The following CUL7 variants were observed in gnomAD, a reference collection of about 807,000 sequenced individuals.
CUL7 encodes cullin 7.
CUL7 carries 96 observed loss-of-function variants against 177.7 expected under a neutral mutation model. That is an observed-to-expected ratio of 0.54 (90% CI 0.46 to 0.64). The LOEUF (loss-of-function observed/expected upper bound fraction) is 0.64. CUL7 is among the 30% of genes least tolerant of loss of function. CUL7 has a pLI of 0.00. For synonymous variants in CUL7, 824 were observed against 890.2 expected, an observed-to-expected ratio of 0.93 and a Z score of 1.32; for missense variants, 1,893 against 2,187.9, an observed-to-expected ratio of 0.87 and a Z score of 2.69.
intron 19 of CUL7, 103 bp downstream of exon 19, chr6:43,042,699 G>A (rs1197973682): frequency 3.8e-6 from 3 of 779,666 alleles, no homozygotes; most frequent in African/African-American, 1.7e-5. Flanking sequence ...ACTAACATAT[G>A]TTCATCATAG....
chr6:43,048,511 A>G lies in CUL7; in HGVS notation c.1884T>C (p.Tyr628=), dbSNP rs771240776. 2 of 1,614,152 alleles carry G rather than the reference A, an allele frequency of 1.2e-6. No individual in the cohort carries two copies. Among genetic ancestry groups the G allele is most frequent in the Admixed American group, 1.7e-5 (1 of 60,014 alleles). ...NTPLQRLVEG[Y]GPAGKILLDL... is the part of the protein sequence containing the mutation. Reference sequence around the variant, plus strand: ...CCAGGAGGATTTTCCCAGCTGGACCATAACCCTCCACCAGACGCTGCAGGG... The same window carrying G: ...CCAGGAGGATTTTCCCAGCTGGACCGTAACCCTCCACCAGACGCTGCAGGG... The change falls in exon 8 of 26, where the codon TAT becomes TAC. Residue 628 remains tyrosine, a synonymous_variant. Transcript: ENST00000265348.
In CUL7 at chr6:43,043,000, A is replaced by G. The variant is rs1303324668; in HGVS notation, c.3463-16T>C. The G allele has an allele frequency of 6.2e-7, 1 of 1,614,152 alleles. No individual in the cohort carries two copies. Among genetic ancestry groups the G allele is most frequent in the African/African-American group, 1.3e-5 (1 of 75,058 alleles). On this transcript the variant is annotated splice_polypyrimidine_tract_variant and intron_variant, in intron 18 of 25. Transcript: ENST00000265348. The stretch of plus-strand genomic sequence containing the variant: ...AATTGTTCACCTGGAAGGAAGGGGC[A>G]GGAGCATGAAGACACAACCCAACAT...
chr6:43,037,878 C>T lies in CUL7; in HGVS notation c.4907G>A (p.Arg1636His), dbSNP rs377591715. 9.7e-5 allele frequency: 156 copies of T among 1,613,570 alleles called. No individual in the cohort carries two copies. The highest frequency in any genetic ancestry group is 1.2e-4 in the Non-Finnish European group (146 of 1,179,716). Residue 1636 changes from arginine to histidine, a missense_variant, in exon 26 of 26, where the codon CGC (arginine) becomes CAC (histidine). By Grantham distance (29) the Arg-to-His change is conservative. This residue lies in a region of CUL7 where 248 missense variants were observed against 262.5 expected (regional missense o/e 0.94). Coordinates refer to ENST00000265348, the MANE Select transcript of CUL7 (RefSeq NM_014780.5). The stretch of plus-strand genomic sequence containing the variant: ...CAGCACCTGGGGCCGGTCGTCATGG[C>T]GTCTCAGCGTGCCCTTGCCCAGGAG... The part of the protein sequence containing the change: ...LHLLGKGTLR[R>H]HDDRPQVLSY...
chr6:43,041,571 C>T (rs1442716539), intron 19 of CUL7, among the ~76,000 whole-genome samples: 2 of 151,714 alleles, frequency 1.3e-5, no homozygotes, highest in Non-Finnish European at 2.9e-5. Flanking sequence ...CCACTGCATC[C>T]CAGTGTGGGA....
rs1764444572 is a variant in CUL7 at position 43,051,923 on chromosome 6, A to T, written c.581-160T>A. 6.6e-6 allele frequency among the ~76,000 whole-genome samples: 1 copy of T among 152,148 alleles called. No individual in the cohort carries two copies. Among genetic ancestry groups the T allele is most frequent in the Admixed American group, 6.5e-5 (1 of 15,274 alleles). On this transcript the variant is annotated intron_variant, in intron 2 of 25. Coordinates refer to ENST00000265348, the MANE Select transcript of CUL7 (RefSeq NM_014780.5). This position sits in a 1 kb window ranked among gnomAD's most constrained non-coding sequence, Gnocchi z 5.0. ...TTTGCTAACTTATACACATACACAC[A>T]CACACGCACATAAACACGATCTACA...
chr6:43,040,333 C>T lies in CUL7; in HGVS notation c.4117G>A (p.Glu1373Lys), dbSNP rs1291854831. The change falls in exon 22 of 26, where the codon GAA (glutamate) becomes AAA (lysine). Residue 1373 changes from glutamate to lysine, a missense_variant. By Grantham distance (56) the Glu-to-Lys change is moderately conservative (BLOSUM62 1). Around this residue, in one of 5 missense-constraint regions of CUL7, gnomAD observed 973 missense variants for 1,140.9 expected, o/e 0.85. Coordinates refer to ENST00000265348, the MANE Select transcript of CUL7 (RefSeq NM_014780.5). This position sits in a 1 kb window ranked among gnomAD's most constrained non-coding sequence, Gnocchi z 4.2. ...AVVDVAEGEE[E>K]EEENEDLYYE... ...TAGAGGTCCTCATTCTCCTCCTCTT[C>T]CTCCTCTCCCTCCGCCACATCCACC... The T allele has an allele frequency of 6.2e-7, 1 of 1,613,842 alleles. No individual in the cohort carries two copies. The highest frequency in any genetic ancestry group is 1.1e-5 in the South Asian group (1 of 91,088).
Position 43,053,839 on chromosome 6 carries a change from A to G in CUL7, c.-226T>C. 1 of 1,532,934 alleles carries G rather than the reference A, an allele frequency of 6.5e-7. No individual in the cohort carries two copies. Among genetic ancestry groups the G allele is most frequent in the East Asian group, 2.5e-5 (1 of 40,806 alleles). The allele number at this position is 1,532,934 out of a possible 1,614,324, so 95.0% of individuals were successfully genotyped here. On this transcript the variant is annotated 5_prime_UTR_variant, in exon 1 of 26. Coordinates refer to ENST00000265348, the MANE Select transcript of CUL7 (RefSeq NM_014780.5). The surrounding 1 kb of genome is among the most constrained non-coding windows in gnomAD (Gnocchi z 4.1). ...CCCGGTCCCTGCCAGCGGCTCCGCCAGCCAAAAGCCACGGCTCATTTCCGC... is the reference window on the plus strand; with the variant it reads ...CCCGGTCCCTGCCAGCGGCTCCGCCGGCCAAAAGCCACGGCTCATTTCCGC...
At chr6:43,041,273 C>G in intron 19 of CUL7, 198 bp from the exon 20 acceptor site, 1 of 617,932 alleles carries the variant, frequency 1.6e-6, no homozygotes, top group East Asian at 2.8e-5. Flanking sequence ...AGTGTCTTTT[C>G]ACATTGTGTC....
At position 43,038,423 on chromosome 6, in the gene CUL7, G is replaced by A. The variant is rs377131673; in HGVS notation, c.4617C>T (p.Asp1539=). 23 of 1,614,062 alleles carry A rather than the reference G, an allele frequency of 1.4e-5. No individual in the cohort carries two copies. The highest frequency in any genetic ancestry group is 1.8e-5 in the Non-Finnish European group (21 of 1,180,052). ...TCTGAGGTGGGATGAGCCGCACAAT[G>A]TCCCATCTCGACCTGGGTTCCTTGC... ...DGSKEPRSRW[D]IVRLIPPQTY... The change falls in exon 25 of 26, where the codon GAC becomes GAT. Residue 1539 remains aspartate, a synonymous_variant. Transcript: ENST00000265348.
chr6:43,046,643 G>A (rs1581937632), intron 10 of CUL7, 42 bp from the exon 11 acceptor site: 1 of 1,612,438 alleles, frequency 6.2e-7, no homozygotes, highest in Non-Finnish European at 8.5e-7. Context: ...AGGGGCAGAA[G>A]GAACACGGAG....
At position 43,046,583 on chromosome 6, in the gene CUL7, C is replaced by T. The variant is rs200040003; in HGVS notation, c.2416G>A (p.Glu806Lys). Residue 806 changes from glutamate (E) to lysine (K), a missense_variant, in exon 11 of 26, where the codon GAA (glutamate) becomes AAA (lysine). Around this residue, in one of 5 missense-constraint regions of CUL7, gnomAD observed 973 missense variants for 1,140.9 expected, o/e 0.85. Coordinates refer to ENST00000265348, the MANE Select transcript of CUL7 (RefSeq NM_014780.5). ...GGTTGGTGGGTTCGTCTGTGGTCTT[C>T]GATCTGGCCCAGCACCATCTGCAGC... Reference protein sequence around the residue: ...GCIQMVLGQIEDHRRTHQPIN... With the variant: ...GCIQMVLGQIKDHRRTHQPIN... The T allele has an allele frequency of 4.2e-4, 670 of 1,613,970 alleles. 2 individuals carry two copies. Among genetic ancestry groups the T allele is most frequent in the Non-Finnish European group, 4.6e-4 (538 of 1,180,014 alleles).
chr6:43,037,879 G>A lies in CUL7; in HGVS notation c.4906C>T (p.Arg1636Cys), dbSNP rs769882465. 5.6e-6 allele frequency: 9 copies of A among 1,613,654 alleles called. No individual in the cohort carries two copies. The highest frequency in any genetic ancestry group is 1.6e-4 in the Middle Eastern group (1 of 6,084). ...AGCACCTGGGGCCGGTCGTCATGGC[G>A]TCTCAGCGTGCCCTTGCCCAGGAGG... Reference protein sequence around the residue: ...LHLLGKGTLRRHDDRPQVLSY... With the variant: ...LHLLGKGTLRCHDDRPQVLSY... The change falls in exon 26 of 26, where the codon CGC (arginine) becomes TGC (cysteine). Residue 1636 changes from arginine (R) to cysteine (C), a missense_variant. This residue lies in a region of CUL7 where 248 missense variants were observed against 262.5 expected (regional missense o/e 0.94). Transcript: ENST00000265348.
In CUL7 at chr6:43,045,514, T is replaced by C; in HGVS notation, c.2862+73A>G. 1 of 1,613,410 alleles carries C rather than the reference T, an allele frequency of 6.2e-7. No individual in the cohort carries two copies. Among genetic ancestry groups the C allele is most frequent in the African/African-American group, 1.3e-5 (1 of 75,034 alleles). ...CTGCTCGAGACCCAGGCTGGTCCTC[T>C]GGCTTAAGATCTGCCTGTTTATGGG... On this transcript the variant is annotated intron_variant, in intron 14 of 25. Transcript: ENST00000265348. The surrounding 1 kb of genome is among the most constrained non-coding windows in gnomAD (Gnocchi z 4.8).
At position 43,040,749 on chromosome 6, in the gene CUL7, G is replaced by A. The variant is rs1406494887; in HGVS notation, c.3807-3C>T. ...GGAGACGGTCCGCCATGTAGTGCCT[G>A]CAGTGCATGCAGCCCGGGCCAAGCC... On this transcript the variant is annotated splice_polypyrimidine_tract_variant and splice_region_variant and intron_variant, in intron 20 of 25. Transcript: ENST00000265348. The surrounding 1 kb of genome is among the most constrained non-coding windows in gnomAD (Gnocchi z 4.2). The A allele has an allele frequency of 2.5e-6, 4 of 1,613,874 alleles. No homozygotes were observed. The highest frequency in any genetic ancestry group is 3.4e-6 in the Non-Finnish European group (4 of 1,179,926).
At chr6:43,039,073 G>GT in intron 22 of CUL7, 86 bp from the exon 23 acceptor site, 1 of 882,168 alleles carries the variant, frequency 1.1e-6, no homozygotes, top group South Asian at 1.3e-5. Flanking sequence ...GTCACGCTCT[G>GT]TTTATCTCTG....
At position 43,042,117 on chromosome 6, in the gene CUL7, G is replaced by GGGAA. The variant is rs1205097372; in HGVS notation, c.3645+681_3645+684dup. 7.9e-4 allele frequency among the ~76,000 whole-genome samples: 113 copies of GGGAA among 143,454 alleles called. 1 individual carries two copies. Among genetic ancestry groups the GGGAA allele is most frequent in the East Asian group, 6.1e-4 (3 of 4,922 alleles). The allele number at this position is 143,454 out of a possible 152,430, so 94.1% of individuals were successfully genotyped here. A position where few individuals can be genotyped will look rare whatever the true frequency, so the allele number is the denominator to read the frequency against. Reference sequence around the variant, plus strand: ...AAGGAGGGAGGGAAGGAGGGAAGGAGGGAAGGAAGGAAGGAAGGAAGGCAG... The same window carrying GGGAA: ...AAGGAGGGAGGGAAGGAGGGAAGGAGGGAAGGAAGGAAGGAAGGAAGGAAGGCAG... On this transcript the variant is annotated intron_variant, in intron 19 of 25. Coordinates refer to ENST00000265348, the MANE Select transcript of CUL7 (RefSeq NM_014780.5).
intron 25 of CUL7, 78 bp from the exon 26 acceptor site, chr6:43,038,089 C>A: frequency 6.6e-7 from 1 of 1,524,134 alleles, no homozygotes; most frequent in Non-Finnish European, 8.8e-7. Flanking sequence ...ACTCCAACCA[C>A]CAGCTGCTAG....
At position 43,051,516 on chromosome 6, in the gene CUL7, C is replaced by A. The variant is rs1764409107; in HGVS notation, c.733-48G>T. On this transcript the variant is annotated intron_variant, in intron 3 of 25. Coordinates refer to ENST00000265348, the MANE Select transcript of CUL7 (RefSeq NM_014780.5). This position sits in a 1 kb window ranked among gnomAD's most constrained non-coding sequence, Gnocchi z 5.0. Reference sequence around the variant, plus strand: ...TATATCCACCTTGTCCCAGTTTAAGCCCCTCTCTCCATACCATCCTCTGCA... The same window carrying A: ...TATATCCACCTTGTCCCAGTTTAAGACCCTCTCTCCATACCATCCTCTGCA... The A allele has an allele frequency of 6.2e-7, 1 of 1,614,004 alleles. No homozygotes were observed.
Position 43,040,489 on chromosome 6 carries a change from C to T in CUL7, c.4023+41G>A. ...TCCAGTCTGCTCCACGCCCCTCTTC[C>T]CCCTACCCTCTTATTTGCTTATCCC... is the stretch of plus-strand genomic sequence containing the variant. On this transcript the variant is annotated intron_variant, in intron 21 of 25. Coordinates refer to ENST00000265348, the MANE Select transcript of CUL7 (RefSeq NM_014780.5). This position sits in a 1 kb window ranked among gnomAD's most constrained non-coding sequence, Gnocchi z 4.2. 5 of 1,611,930 alleles carry T rather than the reference C, an allele frequency of 3.1e-6. No individual in the cohort carries two copies. The highest frequency in any genetic ancestry group is 4.2e-6 in the Non-Finnish European group (5 of 1,179,136).
Sources: allele counts gnomAD v4.1 joint callset (sites outside exome capture counted in the v4.1 genomes callset), GRCh38; gene constraint gnomAD v4.1.1; regional missense constraint gnomAD v4.1.1; non-coding constraint Gnocchi (gnomAD v3.1); transcripts MANE v1.5; gene names NCBI Gene and HGNC (gene_info 2026-07-23, HGNC 2026-07-21).